Variants in LCMT1 observed in about 807,000 individuals in gnomAD.
The protein encoded by LCMT1 is leucine carboxyl methyltransferase 1.
LCMT1 carries 32 observed loss-of-function variants against 47.7 expected under a neutral mutation model. The observed-to-expected ratio is 0.67, with a 90% CI of 0.51 to 0.90. LCMT1 has a LOEUF of 0.90. Ranked by LOEUF, LCMT1 falls within the 40% of genes least tolerant of loss-of-function variation. LCMT1 has a pLI of 0.00. For missense variants in LCMT1, 375 were observed against 415.2 expected (o/e 0.90, Z 0.84); for synonymous variants, 152 against 149.7 (o/e 1.02, Z -0.11).
In LCMT1 at chr16:25,161,145, A is replaced by G. The variant is rs753117345; in HGVS notation, c.510A>G (p.Ala170=). ...CAAAGAGATATGCCGTTATTGGAGC[A>G]GATCTCCGAGACCTGTCTGAACTGG... ...LDSKRYAVIG[A]DLRDLSELEE... Residue 170 remains alanine, a synonymous_variant, in exon 6 of 11, where the codon GCA becomes GCG. Coordinates refer to ENST00000399069, the MANE Select transcript of LCMT1 (RefSeq NM_016309.3). 1.1e-5 allele frequency: 18 copies of G among 1,611,206 alleles called. No individual in the cohort carries two copies. In the Admixed American group the frequency reaches 1.2e-4, roughly 10 times the overall value.
chr16:25,126,724 A>G (rs368289831), intron 1 of LCMT1, among the ~76,000 whole-genome samples: 4 of 152,214 alleles, frequency 2.6e-5, no homozygotes, highest in African/African-American at 4.8e-5. Flanking sequence ...TATGGCTTCC[A>G]GAGGGAGGCA....
intron 1 of LCMT1, among the ~76,000 whole-genome samples, chr16:25,116,746 T>C (rs983887367): frequency 1.3e-5 from 2 of 149,626 alleles, no homozygotes; most frequent in Non-Finnish European, 3.0e-5. Context: ...TACAAAAAAT[T>C]AACCAGTGTC....
At chr16:25,130,168 G>A (rs955995682) in intron 2 of LCMT1, among the ~76,000 whole-genome samples, 5 of 151,570 alleles carry the variant, frequency 3.3e-5, no homozygotes, top group South Asian at 2.1e-4. Flanking sequence ...GTGAAACCCC[G>A]TCTCTACTAA....
At chr16:25,171,631 C>T (rs541924717) in intron 9 of LCMT1, among the ~76,000 whole-genome samples, 2 of 152,264 alleles carry the variant, frequency 1.3e-5, no homozygotes, top group African/African-American at 4.8e-5. Context: ...TTTACATAAT[C>T]CCTGCTTTGG....
chr16:25,133,479 G>T (rs1360752769), intron 3 of LCMT1, among the ~76,000 whole-genome samples: 5 of 131,312 alleles, frequency 3.8e-5, no homozygotes, highest in African/African-American at 1.4e-4. Context: ...GCTCACTGCA[G>T]CCTCCACCTC....
chr16:25,175,303 G>T (rs1433405705), intron 10 of LCMT1, among the ~76,000 whole-genome samples: 1 of 151,842 alleles, frequency 6.6e-6, no homozygotes, highest in African/African-American at 2.4e-5. Flanking sequence ...TTCTGTAGAG[G>T]TCTCTCTAAG....
chr16:25,128,699 C>T, intron 2 of LCMT1, 133 bp downstream of exon 2: 1 of 663,286 alleles, frequency 1.5e-6, no homozygotes, highest in Non-Finnish European at 2.6e-6. Context: ...AGATCTTCAC[C>T]AACACGGTGT....
At chr16:25,138,826 G>A (rs910816605) in intron 3 of LCMT1, among the ~76,000 whole-genome samples, 82 of 152,040 alleles carry the variant, frequency 5.4e-4, no homozygotes, top group Admixed American at 8.5e-4. Flanking sequence ...TTGGATCCCC[G>A]TGTGATAATT....
chr16:25,141,311 C>G (rs1024616912), intron 4 of LCMT1: 3 of 152,156 alleles, frequency 2.0e-5, no homozygotes, highest in African/African-American at 2.4e-5. Context: ...AGAGTCATTA[C>G]GATTATGTAG....
intron 10 of LCMT1, among the ~76,000 whole-genome samples, chr16:25,177,367 G>A (rs1961980398): frequency 6.6e-6 from 1 of 152,076 alleles, no homozygotes; most frequent in South Asian, 2.1e-4. Flanking sequence ...TCTAAATAGT[G>A]TTTTGTTTGT....
chr16:25,158,317 A>G (rs977765367), intron 5 of LCMT1, among the ~76,000 whole-genome samples: 1 of 152,174 alleles, frequency 6.6e-6, no homozygotes, highest in Non-Finnish European at 1.5e-5. Context: ...ACGCCTGGCT[A>G]ATTTTGTATT....
intron 6 of LCMT1, 58 bp from the exon 7 acceptor site, chr16:25,164,540 T>G: frequency 6.2e-7 from 1 of 1,610,506 alleles, no homozygotes; most frequent in Non-Finnish European, 8.5e-7. Flanking sequence ...TGTGTACAAT[T>G]AGAGGGTCCT....
intron 2 of LCMT1, among the ~76,000 whole-genome samples, chr16:25,131,437 G>A (rs764548568): frequency 1.3e-5 from 2 of 152,042 alleles, no homozygotes; most frequent in African/African-American, 4.8e-5. Flanking sequence ...AATCCATCGC[G>A]GATGATATCT....
chr16:25,170,882 A>G (rs534685430), intron 9 of LCMT1, 77 bp downstream of exon 9: 400 of 916,206 alleles, frequency 4.4e-4, no homozygotes, highest in Non-Finnish European at 5.1e-4. Context: ...TCTTTCATGC[A>G]GAAAAACAGA....
chr16:25,163,188 G>T (rs1037509747), intron 6 of LCMT1, among the ~76,000 whole-genome samples: 1 of 152,216 alleles, frequency 6.6e-6, no homozygotes, highest in African/African-American at 2.4e-5. Context: ...AAAAGAATCG[G>T]TTGGGCACGG....
chr16:25,149,910 C>CAAAA (rs34229848), intron 4 of LCMT1, among the ~76,000 whole-genome samples: 11 of 60,162 alleles, frequency 1.8e-4, no homozygotes, highest in East Asian at 4.5e-4. Context: ...AAGACTGTCT[C>CAAAA]AAAAAAAAAA....
At chr16:25,141,349 T>C (rs926816797) in intron 4 of LCMT1, 1 of 152,180 alleles carries the variant, frequency 6.6e-6, no homozygotes, top group African/African-American at 2.4e-5. Context: ...GAATCTTTAC[T>C]TTTATTTTCT....
intron 3 of LCMT1, among the ~76,000 whole-genome samples, chr16:25,138,081 T>C (rs987559574): frequency 6.6e-6 from 1 of 152,242 alleles, no homozygotes; most frequent in Non-Finnish European, 1.5e-5. Context: ...CATCCCATCC[T>C]CTACCAGCGA....
chr16:25,165,131 C>G (rs1401854546), intron 7 of LCMT1, among the ~76,000 whole-genome samples: 2 of 152,044 alleles, frequency 1.3e-5, no homozygotes, highest in Non-Finnish European at 2.9e-5. Context: ...GCACCCACGT[C>G]CCATCTCACA....
Sources: gnomAD v4.1 joint callset for allele counts (sites outside exome capture counted in the v4.1 genomes callset) on GRCh38, gnomAD v4.1.1 for gene constraint, MANE v1.5 for transcripts, NCBI Gene and HGNC (gene_info 2026-07-23, HGNC 2026-07-21) for gene names.